TAFA2: variants seen among roughly 807,000 people sequenced by gnomAD.
TAFA2 encodes the protein TAFA chemokine like family member 2, also known as chemokine-like protein TAFA-2.
Under a neutral mutation model 18.8 loss-of-function variants are expected in TAFA2, and 7 were observed. The observed-to-expected ratio is 0.37, with a 90% CI of 0.21 to 0.70. TAFA2 has a LOEUF of 0.70. TAFA2 is among the 30% of genes least tolerant of loss of function. The pLI is 0.53. For missense variants in TAFA2, 122 were observed against 158.1 expected (o/e 0.77, Z 1.23); for synonymous variants, 60 against 54.2 (o/e 1.11, Z -0.47).
chr12:61,940,225 T>C (rs1300645056), intron 1 of TAFA2, among the ~76,000 whole-genome samples: 1 of 152,160 alleles, frequency 6.6e-6, no homozygotes, highest in Non-Finnish European at 1.5e-5. Context: ...TTGCATAAGG[T>C]CCCAAGCCCA....
intron 1 of TAFA2, among the ~76,000 whole-genome samples, chr12:62,256,172 G>A (rs1212693276): frequency 1.3e-5 from 2 of 151,962 alleles, no homozygotes; most frequent in African/African-American, 4.8e-5. Context: ...AAGAAGCTGA[G>A]GCAGGAGAAT....
At chr12:62,122,703 A>G (rs1486303248) in intron 1 of TAFA2, among the ~76,000 whole-genome samples, 1 of 152,170 alleles carries the variant, frequency 6.6e-6, no homozygotes, top group African/African-American at 2.4e-5. Context: ...TTGATAACAT[A>G]CAAAGGGCTA....
intron 1 of TAFA2, among the ~76,000 whole-genome samples, chr12:62,071,131 C>A (rs2136804035): frequency 6.6e-6 from 1 of 152,298 alleles, no homozygotes; most frequent in South Asian, 2.1e-4. Flanking sequence ...GAGTTCCTCT[C>A]ATGAAGCTGA....
At chr12:61,874,224 A>G (rs748253950) in intron 1 of TAFA2, among the ~76,000 whole-genome samples, 16 of 152,182 alleles carry the variant, frequency 1.1e-4, no homozygotes, top group Non-Finnish European at 2.2e-4. Context: ...AGCTAGTCAT[A>G]TGATTAGCCT....
chr12:62,152,073 A>C (rs9705748), intron 1 of TAFA2, among the ~76,000 whole-genome samples: 16,036 of 152,190 alleles, frequency 0.11, 1,097 homozygotes, highest in South Asian at 0.15. Context: ...ACACAACAGA[A>C]TGCTATTGCT....
intron 1 of TAFA2, among the ~76,000 whole-genome samples, chr12:62,039,582 G>A (rs529619098): frequency 1.4e-4 from 22 of 152,262 alleles, no homozygotes; most frequent in African/African-American, 5.3e-4. Flanking sequence ...ACTTTTAAAG[G>A]TAACTTGGAT....
intron 1 of TAFA2, among the ~76,000 whole-genome samples, chr12:62,058,161 G>A (rs1204806772): frequency 6.6e-6 from 1 of 152,086 alleles, no homozygotes. Flanking sequence ...AGTCAACTAT[G>A]CCTGTCATTC....
intron 1 of TAFA2, among the ~76,000 whole-genome samples, chr12:61,876,638 C>T (rs1242943470): frequency 6.6e-6 from 1 of 151,992 alleles, no homozygotes; most frequent in African/African-American, 2.4e-5. Flanking sequence ...ATATAACCAT[C>T]CCTTCTAAAG....
intron 4 of TAFA2, among the ~76,000 whole-genome samples, chr12:61,731,910 CATGT>C (rs2120655934): frequency 6.6e-6 from 1 of 152,096 alleles, no homozygotes; most frequent in East Asian, 1.9e-4. Flanking sequence ...ATTTATTGAG[CATGT>C]ACTAAGTGGG....
chr12:61,773,482 C>G (rs967068721), intron 2 of TAFA2, among the ~76,000 whole-genome samples: 2 of 151,970 alleles, frequency 1.3e-5, no homozygotes, highest in African/African-American at 4.8e-5. Context: ...GTCACCAAAA[C>G]ATCATGGTAC....
At chr12:61,927,418 T>C (rs892595072) in intron 1 of TAFA2, among the ~76,000 whole-genome samples, 6 of 152,006 alleles carry the variant, frequency 3.9e-5, no homozygotes, top group Admixed American at 1.3e-4. Flanking sequence ...TCACAATAGC[T>C]ACAAAGAGAA....
At chr12:61,862,381 G>A (rs896121091) in intron 2 of TAFA2, among the ~76,000 whole-genome samples, 1 of 152,184 alleles carries the variant, frequency 6.6e-6, no homozygotes, top group African/African-American at 2.4e-5. Flanking sequence ...TTGTATGTAA[G>A]GGACTGTTAG....
chr12:62,147,832 A>T (rs1438372114), intron 1 of TAFA2, among the ~76,000 whole-genome samples: 1 of 152,098 alleles, frequency 6.6e-6, no homozygotes, highest in Non-Finnish European at 1.5e-5. Flanking sequence ...AGGGACTAAT[A>T]TCCAGAATTA....
chr12:62,146,958 T>C (rs761199752), intron 1 of TAFA2, among the ~76,000 whole-genome samples: 8 of 151,900 alleles, frequency 5.3e-5, no homozygotes, highest in Non-Finnish European at 8.8e-5. Flanking sequence ...AATACTGGTA[T>C]AAAAATAGAC....
At chr12:61,947,877 A>G (rs566483593) in intron 1 of TAFA2, among the ~76,000 whole-genome samples, 35 of 152,290 alleles carry the variant, frequency 2.3e-4, no homozygotes, top group African/African-American at 7.9e-4. Flanking sequence ...CCTCAAAACA[A>G]CTTGTAGAAT....
chr12:62,075,946 T>C (rs1230409415), intron 1 of TAFA2, among the ~76,000 whole-genome samples: 1 of 152,214 alleles, frequency 6.6e-6, no homozygotes, highest in African/African-American at 2.4e-5. Flanking sequence ...ACTCTTTTTA[T>C]TTTGTAGACC....
intron 1 of TAFA2, among the ~76,000 whole-genome samples, chr12:62,002,620 C>T (rs1466152106): frequency 3.9e-5 from 6 of 152,118 alleles, no homozygotes; most frequent in African/African-American, 1.4e-4. Context: ...ACAATTTTAG[C>T]TCCTGGTTTA....
At chr12:61,804,977 T>C (rs989499103) in intron 2 of TAFA2, among the ~76,000 whole-genome samples, 15 of 151,860 alleles carry the variant, frequency 9.9e-5, no homozygotes, top group African/African-American at 3.4e-4. Context: ...AAACATACTC[T>C]AAAACAGCAA....
intron 1 of TAFA2, among the ~76,000 whole-genome samples, chr12:62,014,472 A>G (rs1333733204): frequency 6.6e-6 from 1 of 152,136 alleles, no homozygotes; most frequent in African/African-American, 2.4e-5. Flanking sequence ...CTACAAAAAA[A>G]AATACAAAAA....
Sources: gnomAD v4.1 joint callset for allele counts (sites outside exome capture counted in the v4.1 genomes callset) on GRCh38, gnomAD v4.1.1 for gene constraint, MANE v1.5 for transcripts, NCBI Gene and HGNC (gene_info 2026-07-23, HGNC 2026-07-21) for gene names.